PLA2G4A: variants seen among roughly 807,000 people sequenced by gnomAD.
PLA2G4A encodes the protein phospholipase A2 group IVA.
In PLA2G4A, 40 loss-of-function variants were observed where a neutral mutation model predicts 81.9. That is an observed-to-expected ratio of 0.49 (90% CI 0.38 to 0.64). PLA2G4A has a LOEUF of 0.64. PLA2G4A is among the 30% of genes least tolerant of loss of function. The probability of loss-of-function intolerance (pLI) is 0.00; values close to 1 mark genes in which losing one functional copy is unlikely to be tolerated. For synonymous variants in PLA2G4A, 302 were observed against 296.9 expected, an observed-to-expected ratio of 1.02 and a Z score of -0.18; for missense variants, 715 against 905.1, an observed-to-expected ratio of 0.79 and a Z score of 2.69.
At chr1:186,961,816 A>G (rs1167460920) in intron 14 of PLA2G4A, among the ~76,000 whole-genome samples, 1 of 152,224 alleles carries the variant, frequency 6.6e-6, no homozygotes, top group Non-Finnish European at 1.5e-5. Flanking sequence ...AAATCACTGC[A>G]TGTAAAATTA....
At chr1:186,925,403 A>G (rs1357343773) in intron 7 of PLA2G4A, among the ~76,000 whole-genome samples, 2 of 152,210 alleles carry the variant, frequency 1.3e-5, no homozygotes, top group African/African-American at 4.8e-5. Flanking sequence ...TCCCAAGTTT[A>G]AAATCCTTCC....
intron 7 of PLA2G4A, 84 bp downstream of exon 7, chr1:186,911,473 G>T: frequency 2.0e-6 from 2 of 989,904 alleles, no homozygotes; most frequent in South Asian, 1.3e-5. Flanking sequence ...ACCCAAATAT[G>T]GCAATATTGA....
intron 2 of PLA2G4A, among the ~76,000 whole-genome samples, chr1:186,869,798 A>T (rs1346645286): frequency 6.6e-6 from 1 of 152,212 alleles, no homozygotes; most frequent in Non-Finnish European, 1.5e-5. Flanking sequence ...TGCTTTAGTG[A>T]GTAGAATTGT....
chr1:186,930,154 A>G (rs937029324), intron 7 of PLA2G4A, among the ~76,000 whole-genome samples: 4 of 152,220 alleles, frequency 2.6e-5, no homozygotes, highest in African/African-American at 9.6e-5. Flanking sequence ...GGTTATGAAA[A>G]TTAAATGTAT....
At chr1:186,925,043 GT>G (rs1655500853) in intron 7 of PLA2G4A, among the ~76,000 whole-genome samples, 1 of 151,980 alleles carries the variant, frequency 6.6e-6, no homozygotes, top group Non-Finnish European at 1.5e-5. Flanking sequence ...GTGAGATCTT[GT>G]CTCAAACAAC....
At chr1:186,979,789 A>C (rs1228351046) in intron 17 of PLA2G4A, among the ~76,000 whole-genome samples, 1 of 151,744 alleles carries the variant, frequency 6.6e-6, no homozygotes, top group Non-Finnish European at 1.5e-5. Flanking sequence ...AAAAGGAAAT[A>C]TGAGTAAAGG....
intron 6 of PLA2G4A, among the ~76,000 whole-genome samples, chr1:186,907,530 T>C (rs1654784225): frequency 6.6e-6 from 1 of 152,222 alleles, no homozygotes; most frequent in South Asian, 2.1e-4. Context: ...CATGTACTTA[T>C]TTTCAAACGG....
At chr1:186,919,656 G>A (rs538381095) in intron 7 of PLA2G4A, among the ~76,000 whole-genome samples, 5 of 152,292 alleles carry the variant, frequency 3.3e-5, no homozygotes, top group East Asian at 1.9e-4. Context: ...ACCTGACTGC[G>A]GATCTTCCCA....
chr1:186,864,083 A>C (rs1652923160), intron 2 of PLA2G4A, among the ~76,000 whole-genome samples: 1 of 152,122 alleles, frequency 6.6e-6, no homozygotes. Flanking sequence ...GTAACTATTT[A>C]GCATAATGTC....
At chr1:186,865,636 G>T (rs970931816) in intron 2 of PLA2G4A, among the ~76,000 whole-genome samples, 3 of 152,156 alleles carry the variant, frequency 2.0e-5, no homozygotes, top group African/African-American at 7.2e-5. Flanking sequence ...AAGTTAGGTT[G>T]AATAGAGAAA....
At chr1:186,874,669 C>T (rs1185588247) in intron 3 of PLA2G4A, among the ~76,000 whole-genome samples, 1 of 151,912 alleles carries the variant, frequency 6.6e-6, no homozygotes, top group East Asian at 1.9e-4. Flanking sequence ...TGTAGGATTG[C>T]AGGTGGATCT....
chr1:186,866,869 T>C (rs1653052352), intron 2 of PLA2G4A, among the ~76,000 whole-genome samples: 1 of 152,120 alleles, frequency 6.6e-6, no homozygotes, highest in Non-Finnish European at 1.5e-5. Context: ...TCTCATTGTA[T>C]TTCAGGCCCA....
rs552128007 is a variant in PLA2G4A at position 186,852,791 on chromosome 1, T to C, written c.-69-1495T>C. 3.9e-5 allele frequency among the ~76,000 whole-genome samples: 6 copies of C among 152,110 alleles called. No homozygotes were observed. In the East Asian group the frequency reaches 1.2e-3, roughly 29 times the overall value. On this transcript the variant is annotated intron_variant, in intron 1 of 17. Coordinates refer to ENST00000367466, the MANE Select transcript of PLA2G4A (RefSeq NM_024420.3). ...ATTTTTGGAGGGAATAATAAAACTA[T>C]AGCACTAAAGTAGTTTATAATTGGT... is the stretch of plus-strand genomic sequence containing the variant.
At chr1:186,953,963 TG>T (rs1435687914) in intron 13 of PLA2G4A, among the ~76,000 whole-genome samples, 6 of 152,170 alleles carry the variant, frequency 3.9e-5, no homozygotes, top group African/African-American at 1.4e-4. Context: ...AGACATATTT[TG>T]TCCTGTTTGG....
intron 10 of PLA2G4A, among the ~76,000 whole-genome samples, chr1:186,941,287 G>A (rs6697116): frequency 0.16 from 24,616 of 152,040 alleles, 3,207 homozygotes; most frequent in African/African-American, 0.36. Flanking sequence ...CATGAGTGGT[G>A]TGTAATTGGC....
rs755912087 is a variant in PLA2G4A, at chr1:186,965,629, A to C, written c.1764+36A>C. ...ATAATACAGCATTCCATTCTCTACC[A>C]CATTCTCTTGCTTGCCTTATAGATC... On this transcript the variant is annotated intron_variant, in intron 15 of 17. Transcript: ENST00000367466. 4 of 1,433,784 alleles carry C rather than the reference A, an allele frequency of 2.8e-6. No homozygotes were observed. In the African/African-American group the frequency reaches 5.6e-5, roughly 20 times the overall value. 88.8% of individuals were successfully genotyped at this position (1,433,784 alleles called of 1,614,324 possible). A position where few individuals can be genotyped will look rare whatever the true frequency, so the allele number is the denominator to read the frequency against.
chr1:186,916,958 G>A (rs1655158377), intron 7 of PLA2G4A, among the ~76,000 whole-genome samples: 1 of 152,060 alleles, frequency 6.6e-6, no homozygotes, highest in South Asian at 2.1e-4. Context: ...TCAGCTTCTG[G>A]GTGTGACTGG....
intron 3 of PLA2G4A, among the ~76,000 whole-genome samples, chr1:186,881,646 A>AC (rs1454722560): frequency 6.6e-6 from 1 of 152,104 alleles, no homozygotes; most frequent in African/African-American, 2.4e-5. Context: ...TTTTTAATAT[A>AC]AAATTAATAC....
intron 2 of PLA2G4A, among the ~76,000 whole-genome samples, chr1:186,857,962 A>G (rs1571339847): frequency 6.6e-6 from 1 of 152,142 alleles, no homozygotes; most frequent in Non-Finnish European, 1.5e-5. Flanking sequence ...ATAGTATTCC[A>G]TGGTGAATAT....
Sources: allele counts gnomAD v4.1 joint callset (sites outside exome capture counted in the v4.1 genomes callset), GRCh38; gene constraint gnomAD v4.1.1; transcripts MANE v1.5; gene names NCBI Gene and HGNC (gene_info 2026-07-23, HGNC 2026-07-21).